Variants in DENND5B observed in about 807,000 individuals in gnomAD.
DENND5B encodes DENN domain containing 5B.
In DENND5B, 34 loss-of-function variants were observed where a neutral mutation model predicts 140.6. The observed-to-expected ratio is 0.24, with a 90% CI of 0.18 to 0.32. The LOEUF (loss-of-function observed/expected upper bound fraction) is 0.32, where lower values mean the gene tolerates loss of function less well. DENND5B is among the 10% of genes least tolerant of loss of function. The pLI is 1.00. For missense variants in DENND5B, 1,142 were observed against 1,560.2 expected (o/e 0.73, Z 4.52); for synonymous variants, 551 against 562.1 (o/e 0.98, Z 0.28).
rs747825378 is a variant in DENND5B at position 31,483,850 on chromosome 12, GTTTTC to G, written c.238-3600_238-3596del. On this transcript the variant is annotated intron_variant, in intron 2 of 20. Transcript: ENST00000389082. ...TTAGACAAAAAAGCAAATTAGAGCAGTTTTCTTTTCTTTTCTTTTTTTTTTTTTTT... is the reference window on the plus strand; with the variant it reads ...TTAGACAAAAAAGCAAATTAGAGCAGTTTTCTTTTCTTTTTTTTTTTTTTT... Among the ~76,000 whole-genome samples the G allele has an allele frequency of 4.6e-3, 682 of 147,690 alleles. 3 individuals are homozygous for G. The highest frequency in any genetic ancestry group is 5.7e-3 in the Non-Finnish European group (383 of 66,922).
rs142356613 is a variant in DENND5B at position 31,402,539 on chromosome 12, C to T, written c.2908G>A (p.Val970Ile). 500 of 1,613,802 alleles carry T rather than the reference C, an allele frequency of 3.1e-4. 4 individuals are homozygous for T. The African/African-American group carries it at 5.9e-3, about 19-fold the overall frequency. The change falls in exon 15 of 21, where the codon GTA becomes ATA. Residue 970 changes from valine to isoleucine, a missense_variant. By Grantham distance (29) the Val-to-Ile change is conservative. Coordinates refer to ENST00000389082, the MANE Select transcript of DENND5B (RefSeq NM_144973.4). ...CVSGELGDTG[V>I]MQIPKNLLEM... Reference sequence around the variant, plus strand: ...AGGAGGTTTTTGGGAATCTGCATTACTCCTGTGTCTCCCAGCTCTCCTGAT... The same window carrying T: ...AGGAGGTTTTTGGGAATCTGCATTATTCCTGTGTCTCCCAGCTCTCCTGAT...
intron 2 of DENND5B, among the ~76,000 whole-genome samples, chr12:31,490,143 CA>C (rs35162346): frequency 0.56 from 83,868 of 150,812 alleles, 23,738 homozygotes; most frequent in East Asian, 0.82. Context: ...CATTCACTGA[CA>C]AAAGACTGGT....
intron 1 of DENND5B, among the ~76,000 whole-genome samples, chr12:31,583,635 G>A (rs1479508221): frequency 6.6e-6 from 1 of 152,020 alleles, no homozygotes; most frequent in Non-Finnish European, 1.5e-5. Flanking sequence ...CCGAGATCAC[G>A]CTACTGCACT....
intron 1 of DENND5B, among the ~76,000 whole-genome samples, chr12:31,579,190 T>A (rs1950123413): frequency 6.6e-6 from 1 of 152,186 alleles, no homozygotes; most frequent in African/African-American, 2.4e-5. Flanking sequence ...TCAAATAAAG[T>A]TAGTAAAGTC....
chr12:31,516,623 G>T (rs894223498), intron 1 of DENND5B, among the ~76,000 whole-genome samples: 5 of 151,902 alleles, frequency 3.3e-5, no homozygotes, highest in African/African-American at 9.7e-5. Flanking sequence ...AACAATATAC[G>T]ATTTATGTGC....
In DENND5B at chr12:31,519,001, GATGACAAATGC is replaced by G. The variant is rs1947782882; in HGVS notation, c.128-23093_128-23083del. On this transcript the variant is annotated intron_variant, in intron 1 of 20. Transcript: ENST00000389082. ...CAGCAACAAAGCTCTTCAGGAAAGG[GATGACAAATGC>G]AGCAGCTATGTAAAAATCTATGGGA... Among the ~76,000 whole-genome samples the G allele has an allele frequency of 5.9e-5, 9 of 152,320 alleles. No individual in the cohort carries two copies. The South Asian group carries it at 1.4e-3, about 25-fold the overall frequency.
At chr12:31,575,317 T>C (rs1331266966) in intron 1 of DENND5B, among the ~76,000 whole-genome samples, 1 of 152,222 alleles carries the variant, frequency 6.6e-6, no homozygotes, top group Non-Finnish European at 1.5e-5. Context: ...TTATTAAAGT[T>C]AGTATGTCAT....
intron 15 of DENND5B, among the ~76,000 whole-genome samples, chr12:31,401,986 G>C (rs577428656): frequency 1.3e-5 from 2 of 149,866 alleles, no homozygotes; most frequent in African/African-American, 4.9e-5. Context: ...CCAGTAAGCA[G>C]ATGCTTGAAC....
intron 1 of DENND5B, among the ~76,000 whole-genome samples, chr12:31,505,271 C>G (rs1947155563): frequency 7.0e-6 from 1 of 142,448 alleles, no homozygotes; most frequent in Middle Eastern, 3.8e-3. Flanking sequence ...CAGAGTCTTA[C>G]TCTGTCACCC....
chr12:31,385,432 C>CCAGGTTGCCTAGCACACTAA lies in DENND5B; in HGVS notation c.*2170_*2171insTTAGTGTGCTAGGCAACCTG, dbSNP rs1940809684. The CCAGGTTGCCTAGCACACTAA allele has an allele frequency of 1.3e-5, 2 of 152,126 alleles. No homozygotes were observed. Among genetic ancestry groups the CCAGGTTGCCTAGCACACTAA allele is most frequent in the Non-Finnish European group, 2.9e-5 (2 of 68,050 alleles). 9.4% of individuals were successfully genotyped at this position (152,126 alleles called of 1,614,324 possible). ...TCCTAGCACATTAACCTAAGTCATC[C>CCAGGTTGCCTAGCACACTAA]CCCAGGTTGCCTAGACCTGTCAGGA... On this transcript the variant is annotated 3_prime_UTR_variant, in exon 21 of 21. Transcript: ENST00000389082.
chr12:31,568,299 G>T (rs939824087), intron 1 of DENND5B, among the ~76,000 whole-genome samples: 1 of 152,130 alleles, frequency 6.6e-6, no homozygotes, highest in African/African-American at 2.4e-5. Flanking sequence ...TTATGTATAT[G>T]CAAATATTCC....
At chr12:31,407,219 C>T (rs999324678) in intron 14 of DENND5B, among the ~76,000 whole-genome samples, 1 of 152,128 alleles carries the variant, frequency 6.6e-6, no homozygotes, top group Non-Finnish European at 1.5e-5. Context: ...CAACCTCCGC[C>T]TCCCGGGTTC....
intron 2 of DENND5B, among the ~76,000 whole-genome samples, chr12:31,494,801 CTAAG>C (rs1328019015): frequency 1.3e-5 from 2 of 152,136 alleles, no homozygotes; most frequent in Non-Finnish European, 2.9e-5. Flanking sequence ...AGAGTGTACA[CTAAG>C]TAACCAATGG....
intron 1 of DENND5B, among the ~76,000 whole-genome samples, chr12:31,551,846 CAT>C (rs1181986478): frequency 2.0e-5 from 3 of 152,232 alleles, no homozygotes; most frequent in Non-Finnish European, 4.4e-5. Flanking sequence ...GGAGTTCACT[CAT>C]GATTTGGCTT....
intron 1 of DENND5B, among the ~76,000 whole-genome samples, chr12:31,568,075 C>T (rs1949691794): frequency 6.6e-6 from 1 of 152,076 alleles, no homozygotes; most frequent in African/African-American, 2.4e-5. Flanking sequence ...GTTGAGCATC[C>T]CTAATCCAGA....
intron 7 of DENND5B, among the ~76,000 whole-genome samples, chr12:31,438,924 CA>C (rs1283489698): frequency 6.6e-6 from 1 of 152,124 alleles, no homozygotes; most frequent in Non-Finnish European, 1.5e-5. Context: ...GTGTCTTTGG[CA>C]GGCAGAAAAG....
intron 5 of DENND5B, among the ~76,000 whole-genome samples, chr12:31,450,061 A>G (rs1944447150): frequency 6.6e-6 from 1 of 152,176 alleles, no homozygotes; most frequent in South Asian, 2.1e-4. Context: ...GATAGGAAAA[A>G]GTATGGAAAA....
At chr12:31,475,354 A>ACTC (rs4015391) in intron 3 of DENND5B, among the ~76,000 whole-genome samples, 1 of 29,422 alleles carries the variant, frequency 3.4e-5, no homozygotes, top group East Asian at 4.7e-3. Context: ...ACAAAAAAAT[A>ACTC]GAGTATAAAA....
rs534392950 is a variant in DENND5B, at chr12:31,517,086, T to C, written c.128-21167A>G. Among the ~76,000 whole-genome samples, 97 of 152,172 alleles carry C rather than the reference T, an allele frequency of 6.4e-4. 4 individuals are homozygous for C. In the South Asian group the frequency reaches 0.013, roughly 20 times the overall value. ...CAACTTTTTAAAACAGAAATATGAATCTTAAATTCGGCTGGGGAAAAAAAA... is the reference window on the plus strand; with the variant it reads ...CAACTTTTTAAAACAGAAATATGAACCTTAAATTCGGCTGGGGAAAAAAAA... On this transcript the variant is annotated intron_variant, in intron 1 of 20. Coordinates refer to ENST00000389082, the MANE Select transcript of DENND5B (RefSeq NM_144973.4).
Sources: allele counts gnomAD v4.1 joint callset (sites outside exome capture counted in the v4.1 genomes callset), GRCh38; gene constraint gnomAD v4.1.1; transcripts MANE v1.5; gene names NCBI Gene and HGNC (gene_info 2026-07-23, HGNC 2026-07-21).